The following CAMSAP2 variants were observed in gnomAD, a reference collection of about 807,000 sequenced individuals.
CAMSAP2 encodes calmodulin regulated spectrin associated protein family member 2.
Under a neutral mutation model 146.1 loss-of-function variants are expected in CAMSAP2, and 26 were observed. That is an observed-to-expected ratio of 0.18 (90% CI 0.13 to 0.25). CAMSAP2 has a LOEUF of 0.25. CAMSAP2 is among the 10% of genes least tolerant of loss of function. The pLI is 1.00. For synonymous variants in CAMSAP2, 499 were observed against 596.6 expected, an observed-to-expected ratio of 0.84 and a Z score of 2.38; for missense variants, 1,381 against 1,759.3, an observed-to-expected ratio of 0.78 and a Z score of 3.85.
chr1:200,823,286 T>A (rs968012428), intron 4 of CAMSAP2, among the ~76,000 whole-genome samples: 1 of 152,224 alleles, frequency 6.6e-6, no homozygotes, highest in Non-Finnish European at 1.5e-5. Context: ...TTTGTCCTTA[T>A]GTATTTACTT....
chr1:200,772,890 G>A (rs1473850564), intron 2 of CAMSAP2, among the ~76,000 whole-genome samples: 1 of 152,074 alleles, frequency 6.6e-6, no homozygotes, highest in Non-Finnish European at 1.5e-5. Flanking sequence ...ATATCACTTT[G>A]ATATCTAGCT....
intron 3 of CAMSAP2, among the ~76,000 whole-genome samples, chr1:200,807,766 A>G (rs1388728868): frequency 7.2e-6 from 1 of 138,654 alleles, no homozygotes; most frequent in Non-Finnish European, 1.5e-5. Flanking sequence ...TTTGAGAAGT[A>G]GTCTCGCTCT....
At position 200,857,245 on chromosome 1, in the gene CAMSAP2, A is replaced by G; in HGVS notation, c.4013-61A>G. ...GTAGGAACAATTACATCATTTTAAA[A>G]TAGTAGTATTTCTGACTTAGGAATG... is the stretch of plus-strand genomic sequence containing the variant. On this transcript the variant is annotated intron_variant, in intron 15 of 16. Transcript: ENST00000358823. The surrounding 1 kb of genome is among the most constrained non-coding windows in gnomAD (Gnocchi z 4.7). 1 of 1,101,970 alleles carries G rather than the reference A, an allele frequency of 9.1e-7. No homozygotes were observed. 68.3% of individuals were successfully genotyped at this position (1,101,970 alleles called of 1,614,324 possible).
At chr1:200,770,869 G>A (rs542478766) in intron 2 of CAMSAP2, among the ~76,000 whole-genome samples, 3 of 152,128 alleles carry the variant, frequency 2.0e-5, no homozygotes, top group East Asian at 3.9e-4. Context: ...GTAGATACTC[G>A]GTTCTTAGTG....
chr1:200,758,770 T>C (rs1664716721), intron 1 of CAMSAP2, among the ~76,000 whole-genome samples: 2 of 152,234 alleles, frequency 1.3e-5, no homozygotes. Flanking sequence ...ATATCACTGT[T>C]TCCCTCATAA....
At chr1:200,826,971 C>T (rs1336699322) in intron 4 of CAMSAP2, among the ~76,000 whole-genome samples, 11 of 152,144 alleles carry the variant, frequency 7.2e-5, no homozygotes, top group Admixed American at 1.3e-4. Context: ...CCCTGAAAAC[C>T]AAAAGGATAG....
intron 2 of CAMSAP2, among the ~76,000 whole-genome samples, chr1:200,776,787 A>G (rs1385381010): frequency 3.3e-5 from 5 of 152,162 alleles, no homozygotes; most frequent in Non-Finnish European, 7.4e-5. Flanking sequence ...GAAGCTTTTT[A>G]TTTTACCAAA....
chr1:200,795,373 C>T (rs1430990593), intron 2 of CAMSAP2, among the ~76,000 whole-genome samples: 3 of 152,182 alleles, frequency 2.0e-5, no homozygotes, highest in East Asian at 1.9e-4. Context: ...TCTAATGAGT[C>T]AGCCTCTAAG....
At chr1:200,759,349 ACT>A (rs756619871) in intron 1 of CAMSAP2, among the ~76,000 whole-genome samples, 4 of 143,102 alleles carry the variant, frequency 2.8e-5, no homozygotes, top group East Asian at 2.0e-4. Context: ...GCGCGATCTC[ACT>A]CTCTGCAACC....
At chr1:200,764,274 A>G (rs1313242404) in intron 2 of CAMSAP2, among the ~76,000 whole-genome samples, 2 of 152,130 alleles carry the variant, frequency 1.3e-5, no homozygotes, top group African/African-American at 4.8e-5. Context: ...GGGGGGAAAA[A>G]AAGTGTGGTG....
At position 200,857,162 on chromosome 1, in the gene CAMSAP2, AG is replaced by A; in HGVS notation, c.4013-143del. ...TAAAACAATGTTTTGGTTGGATTGC[AG>A]CCAGTAAGAGGCCTTTAAGCACAGA... On this transcript the variant is annotated intron_variant, in intron 15 of 16. Transcript: ENST00000358823. This position sits in a 1 kb window ranked among gnomAD's most constrained non-coding sequence, Gnocchi z 4.7. 1 of 661,360 alleles carries A rather than the reference AG, an allele frequency of 1.5e-6. No homozygotes were observed. The highest frequency in any genetic ancestry group is 2.7e-6 in the Non-Finnish European group (1 of 371,454). The allele number at this position is 661,360 out of a possible 1,614,324, so 41.0% of individuals were successfully genotyped here.
At chr1:200,817,736 TACAA>T (rs1284516553) in intron 4 of CAMSAP2, among the ~76,000 whole-genome samples, 2 of 152,260 alleles carry the variant, frequency 1.3e-5, no homozygotes, top group Non-Finnish European at 2.9e-5. Context: ...GAGGACCACG[TACAA>T]TTTTGTCTGA....
intron 2 of CAMSAP2, among the ~76,000 whole-genome samples, chr1:200,772,160 G>A (rs1276601462): frequency 6.6e-6 from 1 of 151,836 alleles, no homozygotes; most frequent in Non-Finnish European, 1.5e-5. Context: ...ATACCCACCT[G>A]GTTTACCTAG....
chr1:200,847,643 G>A lies in CAMSAP2; in HGVS notation c.1196G>A (p.Gly399Glu). The change falls in exon 10 of 17, where the codon GGA becomes GAA. Residue 399 changes from glycine to glutamate, a missense_variant. Physicochemically the swap from Gly to Glu is moderately conservative, Grantham distance 98. This residue lies in a region of CAMSAP2 where 447 missense variants were observed against 462.2 expected (regional missense o/e 0.97). Coordinates refer to ENST00000358823, the MANE Select transcript of CAMSAP2 (RefSeq NM_203459.4). The stretch of plus-strand genomic sequence containing the variant: ...TTTTTCTTTTTTGCATTTGAAGGAG[G>A]AATTAGAAGGTCTTCATCTATGTCT... ...RPQAHSSASG[G>E]IRRSSSMSYV... 6.2e-7 allele frequency: 1 copy of A among 1,609,454 alleles called. No homozygotes were observed. The highest frequency in any genetic ancestry group is 8.5e-7 in the Non-Finnish European group (1 of 1,178,090).
intron 2 of CAMSAP2, among the ~76,000 whole-genome samples, chr1:200,773,070 T>G (rs1427994443): frequency 6.6e-6 from 1 of 152,054 alleles, no homozygotes; most frequent in Non-Finnish European, 1.5e-5. Context: ...AATTCACTTT[T>G]GAATAGTGGA....
chr1:200,859,199 G>C lies in CAMSAP2; in HGVS notation c.*1140G>C, dbSNP rs1667823023. ...TTGTTCTTTAACAGTGTATACCAGA[G>C]GGTTAGTTGGGGAAAAACTTCATTC... On this transcript the variant is annotated 3_prime_UTR_variant, in exon 17 of 17. Transcript: ENST00000358823. 6.6e-6 allele frequency: 1 copy of C among 152,488 alleles called. No individual in the cohort carries two copies. The highest frequency in any genetic ancestry group is 2.4e-5 in the African/African-American group (1 of 41,392). 9.4% of individuals were successfully genotyped at this position (152,488 alleles called of 1,614,324 possible).
At chr1:200,754,699 C>T (rs922670208) in intron 1 of CAMSAP2, among the ~76,000 whole-genome samples, 10 of 150,134 alleles carry the variant, frequency 6.7e-5, no homozygotes, top group Non-Finnish European at 1.2e-4. Context: ...TCTCCTGCCT[C>T]AGCCTCCTGA....
In CAMSAP2 at chr1:200,821,238, A is replaced by T. The variant is rs186528796; in HGVS notation, c.645+5594A>T. Among the ~76,000 whole-genome samples, 1,389 of 151,620 alleles carry T rather than the reference A, an allele frequency of 9.2e-3. 39 individuals carry two copies. The highest frequency in any genetic ancestry group is 0.053 in the Admixed American group (811 of 15,210). Reference sequence around the variant, plus strand: ...CACTCTATTGCCCAGGCTGGAATGAAGTAGCGAGATCATGGCTCACTGCAG... The same window carrying T: ...CACTCTATTGCCCAGGCTGGAATGATGTAGCGAGATCATGGCTCACTGCAG... On this transcript the variant is annotated intron_variant, in intron 4 of 16. Coordinates refer to ENST00000358823, the MANE Select transcript of CAMSAP2 (RefSeq NM_203459.4).
intron 1 of CAMSAP2, among the ~76,000 whole-genome samples, chr1:200,754,278 T>C (rs1664586937): frequency 6.6e-6 from 1 of 152,210 alleles, no homozygotes; most frequent in Non-Finnish European, 1.5e-5. Flanking sequence ...AGAAGAGATG[T>C]TGTAGTCTCA....
Sources: allele counts gnomAD v4.1 joint callset (sites outside exome capture counted in the v4.1 genomes callset), GRCh38; gene constraint gnomAD v4.1.1; regional missense constraint gnomAD v4.1.1; non-coding constraint Gnocchi (gnomAD v3.1); transcripts MANE v1.5; gene names NCBI Gene and HGNC (gene_info 2026-07-23, HGNC 2026-07-21).